Variants in HVCN1 observed in about 807,000 individuals in gnomAD.
HVCN1 encodes voltage-gated hydrogen channel 1.
In HVCN1, 14 loss-of-function variants were observed where a neutral mutation model predicts 29.2. The observed-to-expected ratio is 0.48, with a 90% CI of 0.32 to 0.75. The LOEUF (loss-of-function observed/expected upper bound fraction) is 0.75. Ranked by LOEUF, HVCN1 falls within the 30% of genes least tolerant of loss-of-function variation. HVCN1 has a pLI of 0.04. For missense variants in HVCN1, 263 were observed against 341.8 expected (o/e 0.77, Z 1.82); for synonymous variants, 131 against 133.2 (o/e 0.98, Z 0.11).
chr12:110,666,876 A>G lies in HVCN1; in HGVS notation c.22-5428T>C, dbSNP rs540172226. 2.6e-4 allele frequency among the ~76,000 whole-genome samples: 39 copies of G among 152,262 alleles called. No homozygotes were observed. In the South Asian group the frequency reaches 7.9e-3, roughly 31 times the overall value. ...TTCGAGAGCCCTCATCCTAGTTTCT[A>G]ACTAGAAACTGTTATGTGCAGCCAC... is the stretch of plus-strand genomic sequence containing the variant. On this transcript the variant is annotated intron_variant, in intron 3 of 7. Transcript: ENST00000242607.
chr12:110,699,524 A>T (rs2069541206), intron 2 of HVCN1, among the ~76,000 whole-genome samples: 1 of 152,080 alleles, frequency 6.6e-6, no homozygotes, highest in African/African-American at 2.4e-5. Context: ...TGTTGTCTGC[A>T]GCCTAGGAGC....
Position 110,658,070 on chromosome 12 carries a change from A to G in HVCN1, c.307-2732T>C, listed in dbSNP as rs779304850. 4.6e-5 allele frequency among the ~76,000 whole-genome samples: 7 copies of G among 152,262 alleles called. No homozygotes were observed. Among genetic ancestry groups the G allele is most frequent in the Admixed American group, 1.3e-4 (2 of 15,298 alleles). On this transcript the variant is annotated intron_variant, in intron 4 of 7. Coordinates refer to ENST00000242607, the MANE Select transcript of HVCN1 (RefSeq NM_032369.4). The surrounding 1 kb of genome is among the most constrained non-coding windows in gnomAD (Gnocchi z 5.0). ...TTAGCACACGGCTGGCCTGCGGTGC[A>G]TGGGAATGAAAGTGAAGCTCCCTGA... is the stretch of plus-strand genomic sequence containing the variant.
chr12:110,649,076 G>A lies in HVCN1; in HGVS notation c.*334C>T, dbSNP rs185774837. On this transcript the variant is annotated 3_prime_UTR_variant, in exon 8 of 8. Transcript: ENST00000242607. ...GATGCATCAGTTCCTTAATATACACGTGAAATTTGAAAACTGTACATTCGG... is the reference window on the plus strand; with the variant it reads ...GATGCATCAGTTCCTTAATATACACATGAAATTTGAAAACTGTACATTCGG... 4.7e-5 allele frequency: 27 copies of A among 573,630 alleles called. 1 individual carries two copies. The highest frequency in any genetic ancestry group is 2.5e-4 in the South Asian group (16 of 64,690). 35.5% of individuals were successfully genotyped at this position (573,630 alleles called of 1,614,324 possible).
intron 2 of HVCN1, among the ~76,000 whole-genome samples, chr12:110,699,416 C>A (rs2069539111): frequency 1.3e-5 from 2 of 152,066 alleles, no homozygotes; most frequent in African/African-American, 4.8e-5. Flanking sequence ...CTCCCAGGCC[C>A]CCCACCCAAG....
At chr12:110,687,636 G>A (rs112242218) in intron 2 of HVCN1, among the ~76,000 whole-genome samples, 10 of 152,236 alleles carry the variant, frequency 6.6e-5, no homozygotes, top group African/African-American at 2.4e-4. Context: ...AGATGCTGGC[G>A]GCCTGGTCTC....
intron 7 of HVCN1, 25 bp downstream of exon 7, chr12:110,650,143 T>A (rs769148734): frequency 6.7e-7 from 1 of 1,494,574 alleles, no homozygotes; most frequent in Non-Finnish European, 9.3e-7. Flanking sequence ...CCACGCCTGG[T>A]CCCCAGATGT....
chr12:110,677,696 T>TA (rs1320543863), intron 3 of HVCN1, among the ~76,000 whole-genome samples: 1 of 152,188 alleles, frequency 6.6e-6, no homozygotes, highest in Non-Finnish European at 1.5e-5. Context: ...GGCCTATTTT[T>TA]AAAATCAGGG....
intron 2 of HVCN1, among the ~76,000 whole-genome samples, chr12:110,700,436 A>G (rs1398586591): frequency 2.0e-5 from 3 of 152,090 alleles, no homozygotes; most frequent in Non-Finnish European, 4.4e-5. Flanking sequence ...AAGGGGAGAA[A>G]GGACATCGAA....
upstream of HVCN1, among the ~76,000 whole-genome samples, chr12:110,693,501 G>A (rs1188379397): frequency 4.6e-5 from 7 of 151,248 alleles, no homozygotes; most frequent in African/African-American, 9.7e-5. Context: ...CTGAGATCAC[G>A]CCACTGCACT....
At chr12:110,662,101 C>T (rs1369955274) in intron 3 of HVCN1, among the ~76,000 whole-genome samples, 2 of 152,118 alleles carry the variant, frequency 1.3e-5, no homozygotes, top group African/African-American at 4.8e-5. Context: ...TACATGACTA[C>T]TGGAACAGGA....
chr12:110,661,034 G>C lies in HVCN1; in HGVS notation c.306+130C>G, dbSNP rs894108269. On this transcript the variant is annotated intron_variant, in intron 4 of 7. Coordinates refer to ENST00000242607, the MANE Select transcript of HVCN1 (RefSeq NM_032369.4). The surrounding 1 kb of genome is among the most constrained non-coding windows in gnomAD (Gnocchi z 6.2). The stretch of plus-strand genomic sequence containing the variant: ...CACGGTACAGGGTCCCCGGCACGTG[G>C]TAGGTGCTGGGCAAACACTCGTAGA... 1.0e-5 allele frequency: 9 copies of C among 858,564 alleles called. No individual in the cohort carries two copies. Among genetic ancestry groups the C allele is most frequent in the Non-Finnish European group, 1.7e-5 (9 of 536,526 alleles). The allele number at this position is 858,564 out of a possible 1,614,324, so 53.2% of individuals were successfully genotyped here. A position where few individuals can be genotyped will look rare whatever the true frequency, so the allele number is the denominator to read the frequency against.
At chr12:110,682,254 C>G (rs1173382007) in intron 3 of HVCN1, among the ~76,000 whole-genome samples, 2 of 152,178 alleles carry the variant, frequency 1.3e-5, no homozygotes, top group Non-Finnish European at 1.5e-5. Flanking sequence ...TCCCAAAATG[C>G]TGGAATTACA....
At chr12:110,654,865 G>A (rs2067936583) in intron 5 of HVCN1, among the ~76,000 whole-genome samples, 1 of 152,126 alleles carries the variant, frequency 6.6e-6, no homozygotes, top group Non-Finnish European at 1.5e-5. Flanking sequence ...TCTGGGATGG[G>A]CTCAGTAACT....
chr12:110,667,260 G>A (rs1057150369), intron 3 of HVCN1, among the ~76,000 whole-genome samples: 5 of 152,190 alleles, frequency 3.3e-5, no homozygotes, highest in Admixed American at 2.0e-4. Context: ...TCAGCCTCCC[G>A]AGTAGCTTGG....
chr12:110,695,433 G>A (rs1360964232), intron 2 of HVCN1, among the ~76,000 whole-genome samples: 1 of 151,916 alleles, frequency 6.6e-6, no homozygotes, highest in Non-Finnish European at 1.5e-5. Context: ...GTGCATGCCT[G>A]TATTCCCAGC....
At position 110,661,411 on chromosome 12, in the gene HVCN1, C is replaced by T. The variant is rs771450218; in HGVS notation, c.59G>A (p.Arg20Lys). ...TRRAKVAPAE[R>K]MSKFLRHFTV... is the part of the protein sequence containing the mutation. ...GAAGTGCCTTAAGAACTTGCTCATC[C>T]TCTCAGCGGGAGCCACCTTGGCCCT... The change falls in exon 4 of 8, where the codon AGG becomes AAG. Residue 20 changes from arginine to lysine, a missense_variant. Arg to Lys is a conservative substitution (Grantham distance 26). Around this residue, in one of 3 missense-constraint regions of HVCN1, gnomAD observed 157 missense variants for 181.3 expected, o/e 0.87. Transcript: ENST00000242607. This position sits in a 1 kb window ranked among gnomAD's most constrained non-coding sequence, Gnocchi z 6.2. 1.2e-5 allele frequency: 20 copies of T among 1,614,120 alleles called. No individual in the cohort carries two copies. In the Admixed American group the frequency reaches 3.3e-4, roughly 27 times the overall value.
chr12:110,667,846 G>A (rs750396025), intron 3 of HVCN1, among the ~76,000 whole-genome samples: 14 of 152,138 alleles, frequency 9.2e-5, no homozygotes, highest in Non-Finnish European at 1.6e-4. Flanking sequence ...TTACAGAAGA[G>A]GAAATTTTTC....
In HVCN1 at chr12:110,676,479, T is replaced by C. The variant is rs2068755213; in HGVS notation, c.21+6746A>G. On this transcript the variant is annotated intron_variant, in intron 3 of 7. Transcript: ENST00000242607. This position sits in a 1 kb window ranked among gnomAD's most constrained non-coding sequence, Gnocchi z 4.1. The stretch of plus-strand genomic sequence containing the variant: ...GCCATTCCCTGATAAGAGCAGCTCA[T>C]TGTGCCTAGACTGCTTGTGGAAACA... Among the ~76,000 whole-genome samples, 1 of 152,198 alleles carries C rather than the reference T, an allele frequency of 6.6e-6. No homozygotes were observed. The highest frequency in any genetic ancestry group is 6.5e-5 in the Admixed American group (1 of 15,280).
chr12:110,672,357 C>T (rs556262873), intron 3 of HVCN1, among the ~76,000 whole-genome samples: 2 of 152,304 alleles, frequency 1.3e-5, no homozygotes, highest in African/African-American at 4.8e-5. Context: ...TGCTCCAGTC[C>T]TGCTTCAAGA....
Sources: gnomAD v4.1 joint callset for allele counts (sites outside exome capture counted in the v4.1 genomes callset) on GRCh38, gnomAD v4.1.1 for gene constraint, gnomAD v4.1.1 regional missense constraint, Gnocchi (gnomAD v3.1) non-coding constraint, MANE v1.5 for transcripts, NCBI Gene and HGNC (gene_info 2026-07-23, HGNC 2026-07-21) for gene names.